CCNJL: variants seen among roughly 807,000 people sequenced by gnomAD.
CCNJL encodes cyclin-J-like protein.
CCNJL carries 33 observed loss-of-function variants against 33.4 expected under a neutral mutation model. That is an observed-to-expected ratio of 0.99 (90% CI 0.75 to 1.32). The LOEUF (loss-of-function observed/expected upper bound fraction) is 1.32. Ranked by LOEUF, CCNJL falls within the 40% of genes most tolerant of loss-of-function variation. The pLI is 0.00. For missense variants in CCNJL, 512 were observed against 499.7 expected, an observed-to-expected ratio of 1.02 and a Z score of -0.23; for synonymous variants, 227 against 220.9, an observed-to-expected ratio of 1.03 and a Z score of -0.24.
intron 2 of CCNJL, among the ~76,000 whole-genome samples, chr5:160,297,736 G>T (rs181656139): frequency 6.6e-6 from 1 of 151,838 alleles, no homozygotes; most frequent in East Asian, 1.9e-4. Flanking sequence ...TTTGCAACTT[G>T]GTTGAAGAAA....
At chr5:160,322,854 A>G (rs573966455) in intron 1 of CCNJL, among the ~76,000 whole-genome samples, 2 of 152,016 alleles carry the variant, frequency 1.3e-5, no homozygotes, top group South Asian at 4.2e-4. Flanking sequence ...GGGAGGACGC[A>G]GTGAGCCGAG....
intron 3 of CCNJL, among the ~76,000 whole-genome samples, chr5:160,277,661 G>A (rs1158983450): frequency 6.6e-6 from 1 of 152,026 alleles, no homozygotes; most frequent in East Asian, 1.9e-4. Context: ...CCGCAGACAT[G>A]GGTCCCTGGC....
intron 3 of CCNJL, among the ~76,000 whole-genome samples, chr5:160,262,541 A>G (rs1761386059): frequency 6.6e-6 from 1 of 152,176 alleles, no homozygotes; most frequent in Non-Finnish European, 1.5e-5. Flanking sequence ...TCCCACATGA[A>G]GATAAAATGG....
chr5:160,335,924 C>G (rs1157778733), intron 1 of CCNJL, among the ~76,000 whole-genome samples: 1 of 152,146 alleles, frequency 6.6e-6, no homozygotes, highest in African/African-American at 2.4e-5. Context: ...TCCAGCATCA[C>G]AGTCTCTTGA....
At chr5:160,259,366 G>A (rs1561772451) in intron 4 of CCNJL, 103 bp downstream of exon 4, 1 of 1,006,884 alleles carries the variant, frequency 9.9e-7, no homozygotes, top group Non-Finnish European at 1.5e-6. Context: ...GCCCCAGTGA[G>A]AAGGCCTGAT....
intron 2 of CCNJL, among the ~76,000 whole-genome samples, chr5:160,286,056 G>A (rs1199361138): frequency 1.3e-5 from 2 of 152,178 alleles, no homozygotes; most frequent in South Asian, 4.1e-4. Flanking sequence ...TAGATCCTTG[G>A]TGTCTGGTGG....
intron 2 of CCNJL, among the ~76,000 whole-genome samples, chr5:160,297,812 T>C (rs1456673449): frequency 6.6e-6 from 1 of 152,160 alleles, no homozygotes; most frequent in Non-Finnish European, 1.5e-5. Flanking sequence ...AATTGCATAT[T>C]ATGCTTGCAA....
upstream of CCNJL, among the ~76,000 whole-genome samples, chr5:160,316,082 G>C (rs967903154): frequency 6.6e-6 from 1 of 152,074 alleles, no homozygotes; most frequent in African/African-American, 2.4e-5. Flanking sequence ...ATTCTCCAGA[G>C]TCCCTCATTT....
chr5:160,321,020 T>G (rs4921127), intron 1 of CCNJL, among the ~76,000 whole-genome samples: 2 of 18,934 alleles, frequency 1.1e-4, no homozygotes. Context: ...CTCTCTTTCT[T>G]TCTTTCTTTC....
intron 1 of CCNJL, among the ~76,000 whole-genome samples, chr5:160,327,266 G>T (rs1230225902): frequency 6.6e-6 from 1 of 152,210 alleles, no homozygotes; most frequent in Non-Finnish European, 1.5e-5. Context: ...TTGATGAAAG[G>T]AGTCCATTCA....
Position 160,255,701 on chromosome 5 carries a change from T to C in CCNJL, c.591A>G (p.Ile197Met), listed in dbSNP as rs1162816509. 3 of 1,613,622 alleles carry C rather than the reference T, an allele frequency of 1.9e-6. No homozygotes were observed. Among genetic ancestry groups the C allele is most frequent in the Admixed American group, 1.7e-5 (1 of 60,000 alleles). Residue 197 changes from isoleucine (I) to methionine (M), a missense_variant, in exon 5 of 6, where the codon ATA (isoleucine) becomes ATG (methionine). Physicochemically the swap from Ile to Met is conservative, Grantham distance 10. Coordinates refer to ENST00000257536, the MANE Select transcript of CCNJL (RefSeq NM_001308173.3). Reference sequence around the variant, plus strand: ...CCACAGAAGGCTGGAATTTGTAGAATATGTGATCTGAAAGAAAGCCACGGA... The same window carrying C: ...CCACAGAAGGCTGGAATTTGTAGAACATGTGATCTGAAAGAAAGCCACGGA... ...YFLEVTLQDH[I>M]FYKFQPSVVA...
chr5:160,290,168 C>A (rs767538781), intron 2 of CCNJL, among the ~76,000 whole-genome samples: 2 of 152,190 alleles, frequency 1.3e-5, no homozygotes, highest in African/African-American at 2.4e-5. Context: ...GTGTCCTGCA[C>A]TGCATTATTT....
chr5:160,332,574 T>C (rs1763622823), intron 1 of CCNJL, among the ~76,000 whole-genome samples: 1 of 152,184 alleles, frequency 6.6e-6, no homozygotes, highest in Admixed American at 6.5e-5. Context: ...GTCCACCTGC[T>C]CCCACCACAC....
chr5:160,268,108 G>A (rs1761683208), intron 3 of CCNJL, among the ~76,000 whole-genome samples: 1 of 152,172 alleles, frequency 6.6e-6, no homozygotes, highest in African/African-American at 2.4e-5. Context: ...AGGCAAGAAA[G>A]GTGCTTCCTA....
At chr5:160,307,113 T>G (rs1763118687) in intron 2 of CCNJL, among the ~76,000 whole-genome samples, 1 of 152,208 alleles carries the variant, frequency 6.6e-6, no homozygotes, top group Admixed American at 6.5e-5. Context: ...ACACAAGCAT[T>G]CATTCAACAT....
intron 3 of CCNJL, among the ~76,000 whole-genome samples, chr5:160,266,788 A>T (rs1463504498): frequency 5.9e-5 from 9 of 152,178 alleles, no homozygotes. Flanking sequence ...GGGCTGAAAA[A>T]GGCCCAACAA....
intron 1 of CCNJL, among the ~76,000 whole-genome samples, chr5:160,331,793 G>A (rs1400713626): frequency 1.3e-5 from 2 of 152,164 alleles, no homozygotes; most frequent in Admixed American, 6.5e-5. Flanking sequence ...CCATCATTAA[G>A]CACAAATGGG....
chr5:160,250,610 AAGG>A lies in CCNJL; in HGVS notation c.*2765_*2767del, dbSNP rs1760777735. On this transcript the variant is annotated 3_prime_UTR_variant, in exon 6 of 6. Transcript: ENST00000257536. ...AGAAGTCTTGAGTGAGACTCCCTTC[AAGG>A]AGGAGTACGAATCTGACATTTTTCA... The A allele has an allele frequency of 6.6e-6, 1 of 152,182 alleles. No homozygotes were observed. Among genetic ancestry groups the A allele is most frequent in the African/African-American group, 2.4e-5 (1 of 41,436 alleles). 9.4% of individuals were successfully genotyped at this position (152,182 alleles called of 1,614,324 possible).
intron 4 of CCNJL, chr5:160,258,315 T>C: frequency 1.3e-6 from 1 of 757,166 alleles, no homozygotes; most frequent in Non-Finnish European, 2.4e-6. Context: ...GAAAATGGTA[T>C]TACAACGCCA....
Sources: allele counts gnomAD v4.1 joint callset (sites outside exome capture counted in the v4.1 genomes callset), GRCh38; gene constraint gnomAD v4.1.1; transcripts MANE v1.5; gene names NCBI Gene and HGNC (gene_info 2026-07-23, HGNC 2026-07-21).